ASIC2: variants seen among roughly 807,000 people sequenced by gnomAD.
ASIC2 encodes acid sensing ion channel subunit 2.
Under a neutral mutation model 57.3 loss-of-function variants are expected in ASIC2, and 25 were observed. The ratio of observed to expected loss-of-function variants is 0.44; its 90% confidence interval spans 0.32 to 0.61. The LOEUF is 0.61. Among genes scored for constraint, ASIC2 ranks in the 20% least tolerant of loss-of-function variants. The pLI, the probability that ASIC2 is intolerant of heterozygous loss-of-function variation, is 0.06. For synonymous variants in ASIC2, 319 were observed against 307.5 expected, an observed-to-expected ratio of 1.04 and a Z score of -0.39; for missense variants, 641 against 738.1, an observed-to-expected ratio of 0.87 and a Z score of 1.52.
chr17:33,501,884 C>A (rs930599194), intron 1 of ASIC2, among the ~76,000 whole-genome samples: 1 of 152,070 alleles, frequency 6.6e-6, no homozygotes, highest in African/African-American at 2.4e-5. Flanking sequence ...GGTAAGGGGC[C>A]AGGTAGGGCA....
intron 1 of ASIC2, among the ~76,000 whole-genome samples, chr17:33,480,849 C>A (rs1913381506): frequency 6.6e-6 from 1 of 152,162 alleles, no homozygotes; most frequent in Non-Finnish European, 1.5e-5. Flanking sequence ...AGAGGCTCCA[C>A]CTGCAGCATC....
At chr17:33,548,616 G>A (rs975624999) in intron 1 of ASIC2, among the ~76,000 whole-genome samples, 6 of 152,104 alleles carry the variant, frequency 3.9e-5, no homozygotes, top group African/African-American at 1.4e-4. Flanking sequence ...ATTCACCATG[G>A]GTAATTACCA....
chr17:33,350,635 T>C (rs1034629785), intron 1 of ASIC2, among the ~76,000 whole-genome samples: 32 of 143,560 alleles, frequency 2.2e-4, no homozygotes, highest in African/African-American at 7.5e-4. Context: ...TGAGCCAAGA[T>C]TGCACCACTG....
intron 1 of ASIC2, among the ~76,000 whole-genome samples, chr17:33,260,095 T>C (rs781005547): frequency 5.3e-5 from 8 of 152,086 alleles, no homozygotes; most frequent in African/African-American, 7.2e-5. Context: ...GCTATGATCA[T>C]ACCACCGCAC....
chr17:34,017,897 A>G (rs79152305), intron 1 of ASIC2, among the ~76,000 whole-genome samples: 60 of 152,360 alleles, frequency 3.9e-4, no homozygotes, highest in African/African-American at 1.3e-3. Context: ...CTTGCATAAA[A>G]GTGCAAGGTG....
At chr17:33,132,903 G>A (rs769890919) in intron 1 of ASIC2, among the ~76,000 whole-genome samples, 3 of 152,140 alleles carry the variant, frequency 2.0e-5, no homozygotes, top group Admixed American at 6.5e-5. Flanking sequence ...ATCATGAGCT[G>A]AATTTTAATT....
intron 1 of ASIC2, among the ~76,000 whole-genome samples, chr17:33,895,078 C>A (rs1915060932): frequency 6.6e-6 from 1 of 152,068 alleles, no homozygotes; most frequent in Non-Finnish European, 1.5e-5. Context: ...TGGCTATGAA[C>A]AAGTCACCTA....
intron 1 of ASIC2, among the ~76,000 whole-genome samples, chr17:34,034,341 A>C (rs1907765427): frequency 6.6e-6 from 1 of 152,350 alleles, no homozygotes; most frequent in Middle Eastern, 3.4e-3. Flanking sequence ...TCAATAAATT[A>C]GGTATTGATA....
At chr17:33,348,170 A>T (rs1908027803) in intron 1 of ASIC2, among the ~76,000 whole-genome samples, 1 of 152,206 alleles carries the variant, frequency 6.6e-6, no homozygotes, top group African/African-American at 2.4e-5. Flanking sequence ...CAAAGCATGG[A>T]TGGACCTTCT....
intron 1 of ASIC2, among the ~76,000 whole-genome samples, chr17:33,135,256 G>C (rs2092363200): frequency 6.6e-6 from 1 of 151,996 alleles, no homozygotes; most frequent in African/African-American, 2.4e-5. Flanking sequence ...CCATGCCTTT[G>C]CCACTGCTCT....
chr17:33,184,065 C>T (rs975339146), intron 1 of ASIC2, among the ~76,000 whole-genome samples: 1 of 152,144 alleles, frequency 6.6e-6, no homozygotes, highest in African/African-American at 2.4e-5. Flanking sequence ...TTAAATAGTA[C>T]TGAGTTAATG....
At chr17:33,874,112 C>A (rs1235379466) in intron 1 of ASIC2, among the ~76,000 whole-genome samples, 1 of 152,190 alleles carries the variant, frequency 6.6e-6, no homozygotes, top group Non-Finnish European at 1.5e-5. Context: ...CTCAACTTCA[C>A]CCTTTCTCCT....
chr17:33,930,898 T>G (rs572499914), intron 1 of ASIC2, among the ~76,000 whole-genome samples: 35 of 151,264 alleles, frequency 2.3e-4, no homozygotes, highest in African/African-American at 8.6e-4. Flanking sequence ...TGCAGATTTA[T>G]TTATTTGTTT....
chr17:33,578,549 C>A (rs1017477062), intron 1 of ASIC2, among the ~76,000 whole-genome samples: 1 of 152,098 alleles, frequency 6.6e-6, no homozygotes, highest in African/African-American at 2.4e-5. Context: ...TAAGGGACAC[C>A]AAGAAAAAAG....
At chr17:33,110,602 C>T (rs1384050240) in intron 2 of ASIC2, among the ~76,000 whole-genome samples, 2 of 152,128 alleles carry the variant, frequency 1.3e-5, no homozygotes, top group African/African-American at 2.4e-5. Flanking sequence ...AGGTAAATGG[C>T]CACACTCCCG....
At chr17:33,643,945 A>C (rs1906664382) in intron 1 of ASIC2, among the ~76,000 whole-genome samples, 1 of 152,204 alleles carries the variant, frequency 6.6e-6, no homozygotes, top group Non-Finnish European at 1.5e-5. Flanking sequence ...AAGATCTTAT[A>C]ATTATTTTTA....
At chr17:34,079,889 C>A (rs1001406044) in intron 1 of ASIC2, among the ~76,000 whole-genome samples, 22 of 152,180 alleles carry the variant, frequency 1.4e-4, no homozygotes, top group African/African-American at 5.3e-4. Context: ...TTCTGGAAGA[C>A]CTTGACCTTC....
In ASIC2 at chr17:33,988,605, A is replaced by G. The variant is rs1389019766; in HGVS notation, c.555+167373T>C. 3.3e-5 allele frequency among the ~76,000 whole-genome samples: 5 copies of G among 152,004 alleles called. No homozygotes were observed. In the East Asian group the frequency reaches 9.7e-4, roughly 30 times the overall value. ...AGCAGATGCTGCTGATTTTCCCCTAAGTTGCTCCCATTCCTCTTTACCATT... is the reference window on the plus strand; with the variant it reads ...AGCAGATGCTGCTGATTTTCCCCTAGGTTGCTCCCATTCCTCTTTACCATT... On this transcript the variant is annotated intron_variant, in intron 1 of 9. Coordinates refer to the ASIC2 transcript ENST00000359872.
At position 33,189,923 on chromosome 17, in the gene ASIC2, T is replaced by C. The variant is rs78225069; in HGVS notation, c.709-77856A>G. 5.7e-4 allele frequency among the ~76,000 whole-genome samples: 86 copies of C among 152,172 alleles called. No individual in the cohort carries two copies. In the East Asian group the frequency reaches 0.015, roughly 27 times the overall value. ...TCAGTGAGGATATAGAAGACTTGGA[T>C]AATAATGGTGAAAGGGTGAATGATC... is the stretch of plus-strand genomic sequence containing the variant. On this transcript the variant is annotated intron_variant, in intron 1 of 9. Coordinates refer to ENST00000225823, the MANE Select transcript of ASIC2 (RefSeq NM_183377.2).
Sources: gnomAD v4.1 joint callset for allele counts (sites outside exome capture counted in the v4.1 genomes callset) on GRCh38, gnomAD v4.1.1 for gene constraint, MANE v1.5 for transcripts, NCBI Gene and HGNC (gene_info 2026-07-23, HGNC 2026-07-21) for gene names.